The following CACNB4 variants were observed in gnomAD, a reference collection of about 807,000 sequenced individuals.
CACNB4 encodes calcium voltage-gated channel auxiliary subunit beta 4.
A neutral mutation model predicts 71.2 loss-of-function variants in CACNB4; 32 were observed. The ratio of observed to expected loss-of-function variants is 0.45; its 90% CI spans 0.34 to 0.60. The LOEUF is 0.60. Among genes scored for constraint, CACNB4 ranks in the 20% least tolerant of loss-of-function variants. The pLI, the probability that CACNB4 is intolerant of heterozygous loss-of-function variation, is 0.01. For synonymous variants in CACNB4, 231 were observed against 236.9 expected, an observed-to-expected ratio of 0.97 and a Z score of 0.23; for missense variants, 464 against 647.9, an observed-to-expected ratio of 0.72 and a Z score of 3.08.
At chr2:152,004,532 TACACAC>T (rs5835400) in intron 2 of CACNB4, among the ~76,000 whole-genome samples, 44,369 of 148,684 alleles carry the variant, frequency 0.3, 7,605 homozygotes, top group African/African-American at 0.47. Context: ...TTTACATACA[TACACAC>T]ACACACACAC....
chr2:151,859,209 C>T (rs149529954), intron 10 of CACNB4: 4 of 152,302 alleles, frequency 2.6e-5, no homozygotes, highest in African/African-American at 7.2e-5. Flanking sequence ...GTGAGATATA[C>T]TTTGTTTCTT....
intron 2 of CACNB4, among the ~76,000 whole-genome samples, chr2:151,895,099 CACA>C (rs1559950809): frequency 0.041 from 777 of 19,134 alleles, 31 homozygotes; most frequent in East Asian, 0.32. Context: ...AATAGCCCCA[CACA>C]CACACACACA....
intron 2 of CACNB4, among the ~76,000 whole-genome samples, chr2:151,965,318 T>C (rs553153940): frequency 1.8e-4 from 28 of 152,346 alleles, no homozygotes; most frequent in South Asian, 6.2e-4. Context: ...ACTGACTTTT[T>C]CTCTCTCATC....
chr2:152,006,471 C>T (rs369855251), intron 2 of CACNB4, among the ~76,000 whole-genome samples: 17 of 148,658 alleles, frequency 1.1e-4, no homozygotes, highest in Non-Finnish European at 2.2e-4. Context: ...GATGCAGTCT[C>T]GGCTCACTGA....
chr2:152,053,632 T>C (rs1022366426), intron 2 of CACNB4, among the ~76,000 whole-genome samples: 6 of 150,796 alleles, frequency 4.0e-5, no homozygotes, highest in Non-Finnish European at 7.4e-5. Flanking sequence ...CAAGAGATCC[T>C]CCCACCTGAA....
chr2:151,869,494 C>T (rs919543572), intron 8 of CACNB4: 1 of 361,926 alleles, frequency 2.8e-6, no homozygotes, highest in Non-Finnish European at 5.0e-6. Flanking sequence ...TCCCTCTTCC[C>T]TCTTCCCTCG....
At chr2:151,862,863 CAAGCTATGA>C (rs1319724133) in intron 9 of CACNB4, among the ~76,000 whole-genome samples, 1 of 152,180 alleles carries the variant, frequency 6.6e-6, no homozygotes, top group Non-Finnish European at 1.5e-5. Flanking sequence ...GCCCGAATCT[CAAGCTATGA>C]GTCAAGTGGT....
intron 2 of CACNB4, among the ~76,000 whole-genome samples, chr2:151,929,891 G>T (rs2099861206): frequency 6.6e-6 from 1 of 152,038 alleles, no homozygotes; most frequent in Non-Finnish European, 1.5e-5. Flanking sequence ...GTCATGCTTT[G>T]TTCTAGGGTG....
intron 2 of CACNB4, among the ~76,000 whole-genome samples, chr2:152,034,825 T>A (rs1684471206): frequency 6.6e-6 from 1 of 152,166 alleles, no homozygotes; most frequent in African/African-American, 2.4e-5. Context: ...TAGTCTCTAA[T>A]AAGTACTGTG....
At chr2:151,866,394 G>A (rs1454332678) in intron 9 of CACNB4, 1 of 152,198 alleles carries the variant, frequency 6.6e-6, no homozygotes, top group East Asian at 1.9e-4. Context: ...CATAGCCCAT[G>A]AAACACAGAG....
Position 151,869,166 on chromosome 2 carries a change from A to C in CACNB4, c.758+11T>G, listed in dbSNP as rs759041462. 6.8e-7 allele frequency: 1 copy of C among 1,479,012 alleles called. No homozygotes were observed. Among genetic ancestry groups the C allele is most frequent in the East Asian group, 2.4e-5 (1 of 41,930 alleles). 91.6% of individuals were successfully genotyped at this position (1,479,012 alleles called of 1,614,324 possible). A position where few individuals can be genotyped will look rare whatever the true frequency, so the allele number is the denominator to read the frequency against. On this transcript the variant is annotated intron_variant, in intron 9 of 13. Coordinates refer to ENST00000539935, the MANE Select transcript of CACNB4 (RefSeq NM_000726.5). ...GGAAAATAAAAATACAAAAACATCT[A>C]TATTTCTCACCTCCCATCAAACCTG...
At chr2:151,984,741 A>T (rs1340035750) in intron 2 of CACNB4, among the ~76,000 whole-genome samples, 1 of 152,196 alleles carries the variant, frequency 6.6e-6, no homozygotes, top group African/African-American at 2.4e-5. Context: ...CTAACATCAC[A>T]CAACTCTGAA....
chr2:152,036,445 G>A (rs1300134603), intron 2 of CACNB4, among the ~76,000 whole-genome samples: 5 of 152,002 alleles, frequency 3.3e-5, no homozygotes, highest in Admixed American at 1.3e-4. Context: ...GATTACAGGC[G>A]CGCGCCACCA....
chr2:152,012,066 TTTTTA>T (rs892579317), intron 2 of CACNB4, among the ~76,000 whole-genome samples: 1 of 150,832 alleles, frequency 6.6e-6, no homozygotes, highest in Non-Finnish European at 1.5e-5. Flanking sequence ...AGGCTTTTTA[TTTTTA>T]TTTTAGAGTA....
Position 152,098,952 on chromosome 2 carries a change from C to A in CACNB4, c.60G>T (p.Ser20=). Residue 20 remains serine, a synonymous_variant, in exon 1 of 14, where the codon TCG becomes TCT. Transcript: ENST00000539935. This position sits in a 1 kb window ranked among gnomAD's most constrained non-coding sequence, Gnocchi z 5.3. ...GTADGPHSPT[S]QVARGTTTRR... ...AAGGGGGAGGAGGGGGCGGTACCTG[C>A]GAGGTGGGGGAGTGCGGCCCGTCCG... 1 of 1,473,742 alleles carries A rather than the reference C, an allele frequency of 6.8e-7. No individual in the cohort carries two copies. The highest frequency in any genetic ancestry group is 1.4e-5 in the South Asian group (1 of 73,668). 91.3% of individuals were successfully genotyped at this position (1,473,742 alleles called of 1,614,324 possible). A position where few individuals can be genotyped will look rare whatever the true frequency, so the allele number is the denominator to read the frequency against.
chr2:151,963,345 G>T (rs892860755), intron 2 of CACNB4, among the ~76,000 whole-genome samples: 60 of 150,786 alleles, frequency 4.0e-4, no homozygotes, highest in Non-Finnish European at 7.2e-4. Flanking sequence ...TGTGAGGAAG[G>T]CTCTAGGTCC....
Position 152,026,379 on chromosome 2 carries a change from CTTTT to C in CACNB4, c.147+71947_147+71950del, listed in dbSNP as rs66836499. Among the ~76,000 whole-genome samples the C allele has an allele frequency of 6.7e-5, 10 of 149,726 alleles. No individual in the cohort carries two copies. In the East Asian group the frequency reaches 9.9e-4, roughly 15 times the overall value. ...TCTCTGGGCTCCACTTCTCTAGTCC[CTTTT>C]TTTTTTTTTCTTCTTCTTTGAGACA... On this transcript the variant is annotated intron_variant, in intron 2 of 13. Transcript: ENST00000539935.
At chr2:151,845,860 AC>A (rs1354143861) in intron 12 of CACNB4, among the ~76,000 whole-genome samples, 3 of 152,128 alleles carry the variant, frequency 2.0e-5, no homozygotes, top group African/African-American at 7.3e-5. Context: ...ATCAAAACAA[AC>A]CATCAAAAAA....
chr2:151,910,748 TTC>T (rs1424329722), intron 2 of CACNB4, among the ~76,000 whole-genome samples: 1 of 152,250 alleles, frequency 6.6e-6, no homozygotes, highest in African/African-American at 2.4e-5. Context: ...TCCAGCTTTG[TTC>T]TTTTTGCTTA....
Sources: gnomAD v4.1 joint callset for allele counts (sites outside exome capture counted in the v4.1 genomes callset) on GRCh38, gnomAD v4.1.1 for gene constraint, Gnocchi (gnomAD v3.1) non-coding constraint, MANE v1.5 for transcripts, NCBI Gene and HGNC (gene_info 2026-07-23, HGNC 2026-07-21) for gene names.